AOPEP: variants seen among roughly 807,000 people sequenced by gnomAD.
AOPEP encodes aminopeptidase O (putative).
A neutral mutation model predicts 98.1 loss-of-function variants in AOPEP; 77 were observed. That is an observed-to-expected ratio of 0.78 (90% CI 0.65 to 0.95). AOPEP has a LOEUF of 0.95. Among genes scored for constraint, AOPEP ranks in the 40% least tolerant of loss-of-function variants. The pLI, the probability that AOPEP is intolerant of heterozygous loss-of-function variation, is 0.00. For missense variants in AOPEP, 1,024 were observed against 1,024.7 expected, an observed-to-expected ratio of 1.00 and a Z score of 0.01; for synonymous variants, 346 against 365.3, an observed-to-expected ratio of 0.95 and a Z score of 0.60.
intron 13 of AOPEP, among the ~76,000 whole-genome samples, chr9:95,028,468 G>A (rs1448928853): frequency 1.3e-5 from 2 of 152,170 alleles, no homozygotes; most frequent in African/African-American, 4.8e-5. Context: ...GAGCTGTACA[G>A]GTGAAAAACT....
At chr9:94,734,592 A>T (rs1319785270) in intron 1 of AOPEP, among the ~76,000 whole-genome samples, 1 of 152,210 alleles carries the variant, frequency 6.6e-6, no homozygotes, top group Non-Finnish European at 1.5e-5. Context: ...TCTACAGTGG[A>T]TTTTAAATAG....
intron 9 of AOPEP, among the ~76,000 whole-genome samples, chr9:94,966,316 T>A (rs1216117243): frequency 1.3e-5 from 2 of 152,082 alleles, no homozygotes; most frequent in Non-Finnish European, 2.9e-5. Flanking sequence ...TCACTGGGTG[T>A]CATCAGAGTC....
At chr9:95,130,213 G>GA in the AOPEP span, among the ~76,000 whole-genome samples, 122 of 152,170 alleles carry the variant, frequency 8.0e-4, no homozygotes, top group South Asian at 0.01. Context: ...CTTGCCACTT[G>GA]AAAGAGGCCT....
chr9:95,096,459 G>A, the AOPEP span, among the ~76,000 whole-genome samples: 5 of 152,148 alleles, frequency 3.3e-5, no homozygotes. Flanking sequence ...GGAGCAGGTG[G>A]GCCCACCTGG....
intron 3 of AOPEP, among the ~76,000 whole-genome samples, chr9:94,789,641 G>A (rs1264704735): frequency 2.0e-5 from 3 of 152,112 alleles, no homozygotes; most frequent in Non-Finnish European, 4.4e-5. Context: ...AGGTAGTTAC[G>A]GAAAGACAGA....
rs183012626 is a variant in AOPEP at position 94,927,873 on chromosome 9, A to G, written c.1555-552A>G. Among the ~76,000 whole-genome samples, 573 of 152,322 alleles carry G rather than the reference A, an allele frequency of 3.8e-3. 1 individual carries two copies. Among genetic ancestry groups the G allele is most frequent in the African/African-American group, 0.012 (514 of 41,570 alleles). On this transcript the variant is annotated intron_variant, in intron 6 of 16. Transcript: ENST00000375315. The stretch of plus-strand genomic sequence containing the variant: ...GGCCGTGTGGCCCAGTGAGCACACC[A>G]TGGGACGGCAGCTGGTTCTGACTCA...
At chr9:94,766,582 C>A (rs1284125018) in intron 2 of AOPEP, among the ~76,000 whole-genome samples, 1 of 152,136 alleles carries the variant, frequency 6.6e-6, no homozygotes, top group African/African-American at 2.4e-5. Context: ...ATAACCCATT[C>A]TCTTTTTCGT....
intron 5 of AOPEP, among the ~76,000 whole-genome samples, chr9:94,870,057 C>T (rs549119023): frequency 2.8e-5 from 4 of 143,188 alleles, no homozygotes; most frequent in African/African-American, 1.1e-4. Flanking sequence ...GGTGCGATCT[C>T]GGCTCACTGC....
At chr9:94,780,754 A>G (rs1012907018) in intron 3 of AOPEP, among the ~76,000 whole-genome samples, 2 of 152,240 alleles carry the variant, frequency 1.3e-5, no homozygotes, top group East Asian at 3.8e-4. Context: ...TCTGTTGTGC[A>G]GAATGCCCTT....
chr9:94,749,309 TTTC>T (rs1485583281), intron 1 of AOPEP, among the ~76,000 whole-genome samples: 2 of 152,214 alleles, frequency 1.3e-5, no homozygotes, highest in Non-Finnish European at 2.9e-5. Context: ...GTCTGTCTGT[TTTC>T]TTCTTTACTT....
At chr9:94,774,191 C>T (rs1032379064) in intron 3 of AOPEP, among the ~76,000 whole-genome samples, 79 of 151,514 alleles carry the variant, frequency 5.2e-4, no homozygotes, top group African/African-American at 1.6e-3. Context: ...GGTTGCCTGT[C>T]GTCCCAGCTA....
chr9:94,939,462 G>T (rs2056746170), intron 7 of AOPEP, among the ~76,000 whole-genome samples: 1 of 152,112 alleles, frequency 6.6e-6, no homozygotes, highest in Admixed American at 6.5e-5. Context: ...TGAGGATATG[G>T]ATTGAGCTTC....
chr9:94,971,056 C>A (rs543862268), intron 10 of AOPEP, among the ~76,000 whole-genome samples: 2 of 152,110 alleles, frequency 1.3e-5, no homozygotes, highest in Non-Finnish European at 2.9e-5. Flanking sequence ...TCTTTTAATC[C>A]TCTTCCTAAT....
At chr9:95,034,697 A>G (rs1303932882) in intron 13 of AOPEP, among the ~76,000 whole-genome samples, 1 of 152,216 alleles carries the variant, frequency 6.6e-6, no homozygotes, top group Non-Finnish European at 1.5e-5. Context: ...TGTTTTTAAT[A>G]GGGAAAGGTT....
At chr9:94,837,818 A>C (rs1475767513) in intron 5 of AOPEP, among the ~76,000 whole-genome samples, 1 of 152,218 alleles carries the variant, frequency 6.6e-6, no homozygotes, top group African/African-American at 2.4e-5. Context: ...TGAATGAGAA[A>C]AAGTTGAAAG....
intron 5 of AOPEP, among the ~76,000 whole-genome samples, chr9:94,820,124 C>T (rs1158151744): frequency 6.6e-6 from 1 of 151,612 alleles, no homozygotes; most frequent in Non-Finnish European, 1.5e-5. Flanking sequence ...TTTTGTATTT[C>T]TAGTAGAGAT....
chr9:94,848,020 C>G (rs2043066169), intron 5 of AOPEP, among the ~76,000 whole-genome samples: 1 of 152,192 alleles, frequency 6.6e-6, no homozygotes, highest in Non-Finnish European at 1.5e-5. Flanking sequence ...CACAAAATTT[C>G]TACAATCTAA....
At chr9:94,959,053 G>GTTTTTGTTTTT (rs1554783623) in intron 9 of AOPEP, among the ~76,000 whole-genome samples, 3 of 150,536 alleles carry the variant, frequency 2.0e-5, no homozygotes, top group African/African-American at 7.4e-5. Context: ...TAATGTTTTT[G>GTTTTTGTTTTT]TTTTTTTTGA....
intron 3 of AOPEP, among the ~76,000 whole-genome samples, chr9:94,780,810 C>T (rs1455828383): frequency 6.6e-6 from 1 of 152,144 alleles, no homozygotes; most frequent in Non-Finnish European, 1.5e-5. Context: ...AAAGCGCGAC[C>T]CAGCAAGTCA....
Sources: allele counts gnomAD v4.1 joint callset (sites outside exome capture counted in the v4.1 genomes callset), GRCh38; gene constraint gnomAD v4.1.1; transcripts MANE v1.5; gene names NCBI Gene and HGNC (gene_info 2026-07-23, HGNC 2026-07-21).